IL1RAPL1: variants seen among roughly 807,000 people sequenced by gnomAD.
IL1RAPL1 encodes interleukin 1 receptor accessory protein like 1.
In IL1RAPL1, 3 loss-of-function variants were observed where a neutral mutation model predicts 48.4. The observed-to-expected ratio is 0.06, with a 90% CI of 0.03 to 0.16. The LOEUF is 0.16. IL1RAPL1 is among the 10% of genes least tolerant of loss of function. IL1RAPL1 has a pLI of 1.00. For synonymous variants in IL1RAPL1, 185 were observed against 187.7 expected (o/e 0.99, Z 0.12); for missense variants, 349 against 530.6 (o/e 0.66, Z 3.36).
intron 6 of IL1RAPL1, among the ~76,000 whole-genome samples, chrX:29,734,794 T>A (rs997610054): frequency 9.0e-6 from 1 of 111,300 alleles, no homozygotes; most frequent in Non-Finnish European, 1.9e-5. Context: ...GAGAGCTGAA[T>A]AGAGATTACA....
At position 29,195,558 on chromosome X, in the gene IL1RAPL1, T is replaced by C. The variant is rs1304973667; in HGVS notation, c.83-87380T>C. ...TTTGTTCATTTATCTAACTAATTACTTTTTTTTTTTTTTTTTTTGGAGACA... is the reference window on the plus strand; with the variant it reads ...TTTGTTCATTTATCTAACTAATTACCTTTTTTTTTTTTTTTTTTGGAGACA... On this transcript the variant is annotated intron_variant, in intron 2 of 10. Transcript: ENST00000378993. Among the ~76,000 whole-genome samples, 3 of 21,865 alleles carry C rather than the reference T, an allele frequency of 1.4e-4. No homozygotes were observed. The South Asian group carries it at 9.6e-3, about 70-fold the overall frequency. The allele number at this position is 21,865 out of a possible 115,157, so 19.0% of individuals were successfully genotyped here. A position where few individuals can be genotyped will look rare whatever the true frequency, so the allele number is the denominator to read the frequency against.
At position 28,962,822 on chromosome X, in the gene IL1RAPL1, G is replaced by T. The variant is rs190022110; in HGVS notation, c.82+173397G>T. On this transcript the variant is annotated intron_variant, in intron 2 of 10. Transcript: ENST00000378993. Reference sequence around the variant, plus strand: ...AGAATCCTCAGAATTTGGTATCCGTGGGGGGGGTCCTGGAACCAATCCCCT... The same window carrying T: ...AGAATCCTCAGAATTTGGTATCCGTTGGGGGGGTCCTGGAACCAATCCCCT... 9.4e-5 allele frequency among the ~76,000 whole-genome samples: 10 copies of T among 106,035 alleles called. No individual in the cohort carries two copies. In the East Asian group the frequency reaches 2.0e-3, roughly 21 times the overall value. 92.1% of individuals were successfully genotyped at this position (106,035 alleles called of 115,157 possible).
At chrX:28,924,878 A>AT (rs1923702228) in intron 2 of IL1RAPL1, among the ~76,000 whole-genome samples, 1 of 111,927 alleles carries the variant, frequency 8.9e-6, no homozygotes, top group South Asian at 3.6e-4. Flanking sequence ...AGGGCACATG[A>AT]TTTTTTTACA....
intron 2 of IL1RAPL1, among the ~76,000 whole-genome samples, chrX:29,225,134 T>C (rs748012194): frequency 1.8e-5 from 2 of 112,278 alleles, no homozygotes; most frequent in Non-Finnish European, 3.8e-5. Flanking sequence ...ACTTAATTTT[T>C]CAACTGAAAA....
intron 5 of IL1RAPL1, among the ~76,000 whole-genome samples, chrX:29,403,725 C>T (rs1244642010): frequency 9.0e-6 from 1 of 111,596 alleles, no homozygotes; most frequent in Non-Finnish European, 1.9e-5. Flanking sequence ...TCATTTTAGC[C>T]TCTTCCCCTA....
intron 2 of IL1RAPL1, among the ~76,000 whole-genome samples, chrX:29,182,356 T>C (rs1930161744): frequency 1.8e-5 from 2 of 112,076 alleles, no homozygotes; most frequent in South Asian, 7.4e-4. Flanking sequence ...CAGACAGGTG[T>C]GTAGCACTAA....
At chrX:28,591,319 G>A (rs2146873780) in intron 1 of IL1RAPL1, among the ~76,000 whole-genome samples, 1 of 112,224 alleles carries the variant, frequency 8.9e-6, no homozygotes, top group Admixed American at 9.5e-5. Context: ...TGCAACATAT[G>A]TGAACAAATC....
chrX:29,330,253 A>G (rs1316387436), intron 3 of IL1RAPL1, among the ~76,000 whole-genome samples: 1 of 112,377 alleles, frequency 8.9e-6, no homozygotes, highest in East Asian at 2.8e-4. Context: ...ACATATTCAA[A>G]TGCAATTTCA....
At chrX:29,791,597 T>A (rs1342750450) in intron 6 of IL1RAPL1, among the ~76,000 whole-genome samples, 1 of 108,737 alleles carries the variant, frequency 9.2e-6, no homozygotes, top group African/African-American at 3.4e-5. Flanking sequence ...TAATTTTTTG[T>A]ATTTTTAGTA....
At chrX:29,624,254 T>C (rs1429742157) in intron 5 of IL1RAPL1, among the ~76,000 whole-genome samples, 2 of 111,767 alleles carry the variant, frequency 1.8e-5, no homozygotes, top group East Asian at 5.6e-4. Context: ...AGCATCCATA[T>C]TTTTTTGACA....
rs193265075 is a variant in IL1RAPL1 at position 29,490,438 on chromosome X, C to G, written c.703+91130C>G. On this transcript the variant is annotated intron_variant, in intron 5 of 10. Transcript: ENST00000378993. Reference sequence around the variant, plus strand: ...ATCCCAGCTACATGGGTGGCTGATACAGGAGAATCCCTTGAACTGGGGAGG... The same window carrying G: ...ATCCCAGCTACATGGGTGGCTGATAGAGGAGAATCCCTTGAACTGGGGAGG... 2.7e-3 allele frequency among the ~76,000 whole-genome samples: 297 copies of G among 110,900 alleles called. 2 individuals carry two copies. Among genetic ancestry groups the G allele is most frequent in the Non-Finnish European group, 4.1e-3 (216 of 52,938 alleles).
intron 2 of IL1RAPL1, among the ~76,000 whole-genome samples, chrX:28,975,418 A>T (rs1925180488): frequency 8.9e-6 from 1 of 112,212 alleles, no homozygotes; most frequent in Admixed American, 9.5e-5. Flanking sequence ...ATCTAAGTCA[A>T]TCTGGGATTC....
chrX:28,931,431 G>A (rs1001749024), intron 2 of IL1RAPL1, among the ~76,000 whole-genome samples: 2 of 112,013 alleles, frequency 1.8e-5, no homozygotes, highest in Admixed American at 9.5e-5. Flanking sequence ...AGTAGGGTAT[G>A]TAAATGATTC....
chrX:28,611,482 G>C (rs1258758773), intron 1 of IL1RAPL1, among the ~76,000 whole-genome samples: 3 of 112,315 alleles, frequency 2.7e-5, no homozygotes, highest in East Asian at 2.8e-4. Flanking sequence ...ATTTCCCAAA[G>C]TGTAAAATTA....
At chrX:29,146,991 T>G (rs1442165244) in intron 2 of IL1RAPL1, among the ~76,000 whole-genome samples, 1 of 111,976 alleles carries the variant, frequency 8.9e-6, no homozygotes, top group African/African-American at 3.2e-5. Flanking sequence ...TAAAATAAAC[T>G]CAGATTTCTA....
At chrX:29,638,086 A>G (rs983396173) in intron 5 of IL1RAPL1, among the ~76,000 whole-genome samples, 2 of 111,069 alleles carry the variant, frequency 1.8e-5, no homozygotes, top group Admixed American at 9.6e-5. Context: ...AATGTAGGCT[A>G]GCTTGGTGAT....
At chrX:29,612,046 T>A (rs1157852002) in intron 5 of IL1RAPL1, among the ~76,000 whole-genome samples, 1 of 111,096 alleles carries the variant, frequency 9.0e-6, no homozygotes, top group Non-Finnish European at 1.9e-5. Context: ...GGGGGCATAG[T>A]AGGACAAAAG....
At chrX:29,451,221 TC>T (rs1187487994) in intron 5 of IL1RAPL1, among the ~76,000 whole-genome samples, 1 of 108,355 alleles carries the variant, frequency 9.2e-6, no homozygotes, top group Non-Finnish European at 1.9e-5. Flanking sequence ...GGAGTCTTAC[TC>T]TGTTGCCCAG....
chrX:28,642,828 CAG>C (rs764493514), intron 1 of IL1RAPL1, among the ~76,000 whole-genome samples: 5 of 110,598 alleles, frequency 4.5e-5, no homozygotes, highest in Admixed American at 1.9e-4. Context: ...CTGAAGGAGA[CAG>C]AGACACGAAA....
Sources: allele counts gnomAD v4.1 joint callset (sites outside exome capture counted in the v4.1 genomes callset), GRCh38; gene constraint gnomAD v4.1.1; transcripts MANE v1.5; gene names NCBI Gene and HGNC (gene_info 2026-07-23, HGNC 2026-07-21).